Variants in CARHSP1 observed in about 807,000 individuals in gnomAD.
CARHSP1 encodes calcium-regulated heat-stable protein 1.
In CARHSP1, 14 loss-of-function variants were observed where a neutral mutation model predicts 12.5. The ratio of observed to expected loss-of-function variants is 1.12; its 90% confidence interval spans 0.74 to 1.75. The LOEUF (loss-of-function observed/expected upper bound fraction) is 1.75. Ranked by LOEUF, CARHSP1 falls within the 40% of genes most tolerant of loss-of-function variation. The probability of loss-of-function intolerance (pLI) is 0.00; values close to 1 mark genes in which losing one functional copy is unlikely to be tolerated. For missense variants in CARHSP1, 343 were observed against 201.6 expected, an observed-to-expected ratio of 1.70 and a Z score of -4.25; for synonymous variants, 161 against 82.0, an observed-to-expected ratio of 1.96 and a Z score of -5.20.
At chr16:8,858,226 T>A (rs1339383748) in intron 3 of CARHSP1, 124 bp downstream of exon 3, 3 of 1,170,230 alleles carry the variant, frequency 2.6e-6, no homozygotes, top group East Asian at 2.5e-5. Context: ...ACAGGCAGAG[T>A]CACACAGGCC....
At chr16:8,865,913 T>G (rs948525511) in intron 1 of CARHSP1, among the ~76,000 whole-genome samples, 2 of 152,218 alleles carry the variant, frequency 1.3e-5, no homozygotes, top group Non-Finnish European at 2.9e-5. Flanking sequence ...AAATGCAGAT[T>G]GCCATTCAGC....
rs537614451 is a variant in CARHSP1 at position 8,861,989 on chromosome 16, C to CTTTTTTTTTTTTTTTTTTT, written c.-7-2673_-7-2655dup. 3.8e-4 allele frequency among the ~76,000 whole-genome samples: 30 copies of CTTTTTTTTTTTTTTTTTTT among 79,802 alleles called. 4 individuals are homozygous for CTTTTTTTTTTTTTTTTTTT. Among genetic ancestry groups the CTTTTTTTTTTTTTTTTTTT allele is most frequent in the Admixed American group, 5.7e-4 (4 of 7,040 alleles). 52.4% of individuals were successfully genotyped at this position (79,802 alleles called of 152,430 possible). A position where few individuals can be genotyped will look rare whatever the true frequency, so the allele number is the denominator to read the frequency against. ...TTCTCCTGGAGTCAAGCATAGCTGA[C>CTTTTTTTTTTTTTTTTTTT]TTTTTTTTTTTTTTTTTTTTTTTTT... On this transcript the variant is annotated intron_variant, in intron 1 of 3. Transcript: ENST00000311052.
At chr16:8,866,667 G>C (rs1239356026) in intron 1 of CARHSP1, among the ~76,000 whole-genome samples, 1 of 151,652 alleles carries the variant, frequency 6.6e-6, no homozygotes, top group Non-Finnish European at 1.5e-5. Flanking sequence ...CGGGGAGAGC[G>C]GGGGGTCTGG....
At chr16:8,868,516 T>G in intron 1 of CARHSP1, 2 of 142,792 alleles carry the variant, frequency 1.4e-5, no homozygotes, top group African/African-American at 5.1e-5. Flanking sequence ...CCGCCGGGCC[T>G]GGCCGCCGTC....
intron 1 of CARHSP1, chr16:8,860,497 CA>C: frequency 1.0e-6 from 1 of 985,394 alleles, no homozygotes; most frequent in Non-Finnish European, 1.2e-6. Context: ...GCTCGAGGTT[CA>C]GGGGAAAGAG....
At chr16:8,857,759 AT>A (rs71155409) in intron 3 of CARHSP1, 66,718 of 116,280 alleles carry the variant, frequency 0.57, 18,311 homozygotes, top group Middle Eastern at 0.68. Flanking sequence ...CCTGCTCATT[AT>A]TTTTTTTTTT....
At chr16:8,864,521 A>G (rs2061423459) in intron 1 of CARHSP1, among the ~76,000 whole-genome samples, 1 of 152,212 alleles carries the variant, frequency 6.6e-6, no homozygotes, top group African/African-American at 2.4e-5. Context: ...ACGGAGACAC[A>G]AAGAGTCAAG....
At chr16:8,856,492 C>CCTTACTGATTCAAAATCCTTT (rs553801166) in intron 3 of CARHSP1, among the ~76,000 whole-genome samples, 350 of 152,320 alleles carry the variant, frequency 2.3e-3, no homozygotes, top group South Asian at 8.3e-3. Context: ...TCTATGTTTT[C>CCTTACTGATTCAAAATCCTTT]CTTACTGATT....
intron 1 of CARHSP1, among the ~76,000 whole-genome samples, chr16:8,861,158 ATTTTTTTT>A (rs765114977): frequency 7.8e-5 from 4 of 51,264 alleles, no homozygotes; most frequent in Admixed American, 5.9e-4. Flanking sequence ...TCCATGCCTA[ATTTTTTTT>A]TTTTTTTTTT....
At chr16:8,867,577 C>T (rs1263494666) in intron 1 of CARHSP1, 1 of 152,332 alleles carries the variant, frequency 6.6e-6, no homozygotes, top group Non-Finnish European at 1.5e-5. Flanking sequence ...CTAGGGGACC[C>T]ACCGTCAACC....
intron 1 of CARHSP1, among the ~76,000 whole-genome samples, chr16:8,863,287 A>AT (rs1567189266): frequency 1.4e-5 from 1 of 71,548 alleles, no homozygotes; most frequent in Non-Finnish European, 2.8e-5. Context: ...CAACCAGCTC[A>AT]TTTTTTGTAG....
chr16:8,858,628 G>C (rs892663991), intron 2 of CARHSP1, 156 bp from the exon 3 acceptor site: 21 of 900,126 alleles, frequency 2.3e-5, no homozygotes, highest in Middle Eastern at 3.5e-4. Flanking sequence ...TCAACCCTGG[G>C]AGCCGCTCAC....
At position 8,857,268 on chromosome 16, in the gene CARHSP1, T is replaced by TTG. The variant is rs1295437087; in HGVS notation, c.281+1081_281+1082insCA. ...ATGTGATCTTGGGCAGATCTGTTTT[T>TTG]TTTTTTTTTTTTTTTTTTTTTTTTT... On this transcript the variant is annotated intron_variant, in intron 3 of 3. Transcript: ENST00000311052. Among the ~76,000 whole-genome samples, 12 of 20,290 alleles carry TTG rather than the reference T, an allele frequency of 5.9e-4. 1 individual carries two copies. Among genetic ancestry groups the TTG allele is most frequent in the African/African-American group, 8.9e-4 (5 of 5,596 alleles). 13.3% of individuals were successfully genotyped at this position (20,290 alleles called of 152,430 possible). A position where few individuals can be genotyped will look rare whatever the true frequency, so the allele number is the denominator to read the frequency against.
intron 1 of CARHSP1, among the ~76,000 whole-genome samples, chr16:8,864,682 T>A (rs1347514574): frequency 6.6e-6 from 1 of 152,142 alleles, no homozygotes; most frequent in Non-Finnish European, 1.5e-5. Flanking sequence ...CCTTCCCCAG[T>A]CAGCCCCCAG....
At position 8,853,520 on chromosome 16, in the gene CARHSP1, C is replaced by T. The variant is rs911373212; in HGVS notation, c.*1644G>A. On this transcript the variant is annotated 3_prime_UTR_variant, in exon 4 of 4. Coordinates refer to ENST00000311052, the MANE Select transcript of CARHSP1 (RefSeq NM_014316.4). Reference sequence around the variant, plus strand: ...ATTCTCAAACAACTCCCTTCCACCCCCTTAGGCTGAAAGGACAAACTCATC... The same window carrying T: ...ATTCTCAAACAACTCCCTTCCACCCTCTTAGGCTGAAAGGACAAACTCATC... 6.6e-6 allele frequency: 1 copy of T among 152,142 alleles called. No homozygotes were observed. Among genetic ancestry groups the T allele is most frequent in the African/African-American group, 2.4e-5 (1 of 41,418 alleles). The allele number at this position is 152,142 out of a possible 1,614,324, so 9.4% of individuals were successfully genotyped here.
intron 1 of CARHSP1, among the ~76,000 whole-genome samples, chr16:8,862,209 G>A (rs1373782543): frequency 2.0e-5 from 3 of 151,750 alleles, no homozygotes; most frequent in East Asian, 3.9e-4. Context: ...CTTGCCTGCT[G>A]TGTGGTCTTG....
intron 1 of CARHSP1, chr16:8,861,886 G>A (rs2061365631): frequency 1.9e-6 from 2 of 1,062,600 alleles, no homozygotes; most frequent in African/African-American, 3.3e-5. Flanking sequence ...CAGGACAGCA[G>A]ATGGGAGCAG....
intron 3 of CARHSP1, among the ~76,000 whole-genome samples, chr16:8,855,918 C>G (rs1276673237): frequency 6.6e-6 from 1 of 152,204 alleles, no homozygotes; most frequent in African/African-American, 2.4e-5. Flanking sequence ...CTCCCGAGTT[C>G]AAGTGATTCT....
At position 8,861,199 on chromosome 16, in the gene CARHSP1, T is replaced by TTTTTTTTA. The variant is rs1567187143; in HGVS notation, c.-7-1865_-7-1864insTAAAAAAA. ...TTTTTTTTTTTTTTTTTTTTTTTTT[T>TTTTTTTTA]ATAGAGACAGGGTATCACTATGTTG... On this transcript the variant is annotated intron_variant, in intron 1 of 3. Coordinates refer to ENST00000311052, the MANE Select transcript of CARHSP1 (RefSeq NM_014316.4). Among the ~76,000 whole-genome samples the TTTTTTTTA allele has an allele frequency of 3.3e-5, 2 of 60,606 alleles. 1 individual carries two copies. 39.8% of individuals were successfully genotyped at this position (60,606 alleles called of 152,430 possible).
Sources: gnomAD v4.1 joint callset for allele counts (sites outside exome capture counted in the v4.1 genomes callset) on GRCh38, gnomAD v4.1.1 for gene constraint, MANE v1.5 for transcripts, NCBI Gene and HGNC (gene_info 2026-07-23, HGNC 2026-07-21) for gene names.